Variants in TENM4 observed in about 807,000 individuals in gnomAD.
The protein encoded by TENM4 is teneurin transmembrane protein 4, also known as teneurin-4.
A neutral mutation model predicts 243.3 loss-of-function variants in TENM4; 82 were observed. The ratio of observed to expected loss-of-function variants is 0.34; its 90% CI spans 0.28 to 0.40. TENM4 has a LOEUF of 0.40. Among genes scored for constraint, TENM4 ranks in the 10% least tolerant of loss-of-function variants. The pLI is 1.00. For synonymous variants in TENM4, 1,412 were observed against 1,456.3 expected, an observed-to-expected ratio of 0.97 and a Z score of 0.69; for missense variants, 3,138 against 3,673.3, an observed-to-expected ratio of 0.85 and a Z score of 3.77.
intron 2 of TENM4, among the ~76,000 whole-genome samples, chr11:79,254,830 T>G (rs980294922): frequency 1.3e-5 from 2 of 152,164 alleles, no homozygotes; most frequent in African/African-American, 4.8e-5. Flanking sequence ...AGTGGGTTTA[T>G]TTGACAAGCT....
Position 78,805,282 on chromosome 11 carries a change from C to CCCCCCCCCCCCCCCCCCCCCAAA in TENM4, c.2179+9_2179+10insTTTGGGGGGGGGGGGGGGGGGGG. On this transcript the variant is annotated intron_variant, in intron 15 of 33. Coordinates refer to ENST00000278550, the MANE Select transcript of TENM4 (RefSeq NM_001098816.3). ...CCCTCTACCCATGCTTCTTCTCCCCCTGCATTTACCGATAGAACAGTCGTG... is the reference window on the plus strand; with the variant it reads ...CCCTCTACCCATGCTTCTTCTCCCCCCCCCCCCCCCCCCCCCCCCCAAATGCATTTACCGATAGAACAGTCGTG... 2.0e-6 allele frequency: 2 copies of CCCCCCCCCCCCCCCCCCCCCAAA among 995,568 alleles called. No individual in the cohort carries two copies. The highest frequency in any genetic ancestry group is 2.4e-6 in the Non-Finnish European group (2 of 823,790). The allele number at this position is 995,568 out of a possible 1,614,324, so 61.7% of individuals were successfully genotyped here. A position where few individuals can be genotyped will look rare whatever the true frequency, so the allele number is the denominator to read the frequency against.
chr11:79,209,307 G>T (rs1225774017), intron 3 of TENM4, among the ~76,000 whole-genome samples: 1 of 152,206 alleles, frequency 6.6e-6, no homozygotes, highest in Non-Finnish European at 1.5e-5. Flanking sequence ...GGCCGGCCTT[G>T]GGAAAGGGCA....
chr11:78,994,297 A>T (rs1858118259), intron 6 of TENM4, among the ~76,000 whole-genome samples: 1 of 152,188 alleles, frequency 6.6e-6, no homozygotes, highest in African/African-American at 2.4e-5. Flanking sequence ...GACCAGCCAC[A>T]TGAAGTTTTT....
At chr11:79,357,922 C>A (rs566578085) in intron 1 of TENM4, among the ~76,000 whole-genome samples, 1 of 152,290 alleles carries the variant, frequency 6.6e-6, no homozygotes, top group Non-Finnish European at 1.5e-5. Flanking sequence ...ATTCCTGGAA[C>A]ATCAAAACAG....
chr11:78,662,194 CTTT>C (rs758052978), intron 32 of TENM4, among the ~76,000 whole-genome samples: 4 of 140,822 alleles, frequency 2.8e-5, no homozygotes, highest in Non-Finnish European at 3.1e-5. Context: ...CATTTTCTTT[CTTT>C]TTTTTTTTTT....
intron 9 of TENM4, among the ~76,000 whole-genome samples, chr11:78,889,012 G>C (rs1855605228): frequency 6.6e-6 from 1 of 152,192 alleles, no homozygotes; most frequent in Non-Finnish European, 1.5e-5. Context: ...CCAAAGCAAG[G>C]GGTCAGAAGT....
intron 4 of TENM4, among the ~76,000 whole-genome samples, chr11:79,111,576 C>T (rs970764462): frequency 7.9e-5 from 12 of 152,080 alleles, no homozygotes; most frequent in African/African-American, 2.7e-4. Context: ...GACAAAAAAA[C>T]AAAAACAAAA....
intron 19 of TENM4, among the ~76,000 whole-genome samples, chr11:78,738,946 T>C (rs932098810): frequency 1.3e-5 from 2 of 152,068 alleles, no homozygotes; most frequent in African/African-American, 4.8e-5. Flanking sequence ...ACTTCCTAGC[T>C]CTCTGAACTT....
intron 33 of TENM4, among the ~76,000 whole-genome samples, chr11:78,660,465 G>T (rs182396533): frequency 5.3e-5 from 8 of 152,288 alleles, no homozygotes; most frequent in Admixed American, 3.3e-4. Context: ...TTAAAGTACA[G>T]TGTGGGAAGT....
intron 2 of TENM4, among the ~76,000 whole-genome samples, chr11:79,296,615 A>G (rs900063880): frequency 6.6e-6 from 1 of 152,358 alleles, no homozygotes; most frequent in East Asian, 1.9e-4. Flanking sequence ...GACCATTCAG[A>G]TGCTACAACT....
intron 12 of TENM4, among the ~76,000 whole-genome samples, chr11:78,818,239 T>C (rs746045840): frequency 8.5e-5 from 13 of 152,228 alleles, no homozygotes; most frequent in Non-Finnish European, 1.5e-4. Context: ...AAATACAAGT[T>C]GCATTTTTAA....
At position 78,826,500 on chromosome 11, in the gene TENM4, A is replaced by G. The variant is rs1439279471; in HGVS notation, c.1682-12105T>C. On this transcript the variant is annotated intron_variant, in intron 12 of 33. Transcript: ENST00000278550. ...CTATGTTGGCTTGGACTGTACCTGG[A>G]AAATGGAAATATCCAGGCCATGTTA... Among the ~76,000 whole-genome samples the G allele has an allele frequency of 1.4e-4, 21 of 152,254 alleles. 1 individual carries two copies. Among genetic ancestry groups the G allele is most frequent in the Non-Finnish European group, 4.4e-5 (3 of 68,010 alleles).
At chr11:78,806,984 A>G (rs926692079) in intron 14 of TENM4, among the ~76,000 whole-genome samples, 1 of 152,214 alleles carries the variant, frequency 6.6e-6, no homozygotes, top group Non-Finnish European at 1.5e-5. Context: ...TTCACTTGTC[A>G]TAATACCTTC....
At chr11:78,890,348 A>T (rs1350996224) in intron 8 of TENM4, among the ~76,000 whole-genome samples, 2 of 152,222 alleles carry the variant, frequency 1.3e-5, no homozygotes, top group East Asian at 3.9e-4. Flanking sequence ...GGGCTGGGAT[A>T]CTGTTTCTTG....
At chr11:78,702,737 A>G (rs1460427362) in intron 27 of TENM4, among the ~76,000 whole-genome samples, 3 of 152,208 alleles carry the variant, frequency 2.0e-5, no homozygotes, top group African/African-American at 4.8e-5. Context: ...TGGGCAAGTT[A>G]CTTTGCCTCT....
chr11:78,761,300 C>A (rs367796277), intron 18 of TENM4, among the ~76,000 whole-genome samples: 1 of 151,308 alleles, frequency 6.6e-6, no homozygotes, highest in Non-Finnish European at 1.5e-5. Flanking sequence ...AGTGCAGTGG[C>A]GTGATCTCGG....
At chr11:78,858,863 A>T (rs534462551) in intron 10 of TENM4, among the ~76,000 whole-genome samples, 1 of 152,302 alleles carries the variant, frequency 6.6e-6, no homozygotes, top group South Asian at 2.1e-4. Context: ...AGGTATTAGT[A>T]TTACTAGTCA....
rs761252466 is a variant in TENM4, at chr11:78,990,554, G to A, written c.493+74184C>T. On this transcript the variant is annotated intron_variant, in intron 6 of 33. Coordinates refer to ENST00000278550, the MANE Select transcript of TENM4 (RefSeq NM_001098816.3). ...AATATACTGCGAGGGAGTAATCCAC[G>A]AGATATACTGTTCAGTGGAAAAAAA... is the stretch of plus-strand genomic sequence containing the variant. 1.6e-4 allele frequency among the ~76,000 whole-genome samples: 25 copies of A among 152,288 alleles called. No individual in the cohort carries two copies. In the Middle Eastern group the frequency reaches 0.014, roughly 83 times the overall value.
At chr11:79,197,997 T>C (rs1489636440) in intron 3 of TENM4, among the ~76,000 whole-genome samples, 1 of 152,198 alleles carries the variant, frequency 6.6e-6, no homozygotes, top group African/African-American at 2.4e-5. Context: ...CACTCCTCCA[T>C]GTGTGACCTT....
Sources: gnomAD v4.1 joint callset for allele counts (sites outside exome capture counted in the v4.1 genomes callset) on GRCh38, gnomAD v4.1.1 for gene constraint, MANE v1.5 for transcripts, NCBI Gene and HGNC (gene_info 2026-07-23, HGNC 2026-07-21) for gene names.